Variants in ERBB4 observed in about 807,000 individuals in gnomAD.
ERBB4 encodes the protein erb-b2 receptor tyrosine kinase 4.
In ERBB4, 42 loss-of-function variants were observed where a neutral mutation model predicts 158.0. The observed-to-expected ratio is 0.27, with a 90% CI of 0.21 to 0.34. The LOEUF (loss-of-function observed/expected upper bound fraction) is 0.34. Ranked by LOEUF, ERBB4 falls within the 10% of genes least tolerant of loss-of-function variation. The pLI, the probability that ERBB4 is intolerant of heterozygous loss-of-function variation, is 1.00. For missense variants in ERBB4, 1,333 were observed against 1,624.1 expected (o/e 0.82, Z 3.08); for synonymous variants, 583 against 558.7 (o/e 1.04, Z -0.61).
chr2:211,874,207 G>A (rs2078434029), intron 3 of ERBB4, among the ~76,000 whole-genome samples: 1 of 152,008 alleles, frequency 6.6e-6, no homozygotes, highest in South Asian at 2.1e-4. Flanking sequence ...CATTTTGCTA[G>A]TTATATCTAT....
intron 20 of ERBB4, among the ~76,000 whole-genome samples, chr2:211,491,437 A>C (rs2065339449): frequency 6.6e-6 from 1 of 152,026 alleles, no homozygotes; most frequent in African/African-American, 2.4e-5. Context: ...TGGACATCAC[A>C]ATTCATTTCA....
intron 3 of ERBB4, among the ~76,000 whole-genome samples, chr2:211,898,825 A>G (rs1212445552): frequency 6.6e-6 from 1 of 152,144 alleles, no homozygotes; most frequent in Non-Finnish European, 1.5e-5. Context: ...GTGTCCCAGT[A>G]GCATGCCTAT....
At chr2:211,636,469 A>G (rs1258896329) in intron 16 of ERBB4, among the ~76,000 whole-genome samples, 1 of 152,040 alleles carries the variant, frequency 6.6e-6, no homozygotes, top group Non-Finnish European at 1.5e-5. Context: ...TTACATTCAT[A>G]GTATCTAATG....
chr2:211,568,833 G>A (rs779874282), intron 19 of ERBB4, among the ~76,000 whole-genome samples: 8 of 151,978 alleles, frequency 5.3e-5, no homozygotes, highest in African/African-American at 9.7e-5. Context: ...AGATAATGAC[G>A]GCCACAATGA....
At chr2:211,967,252 T>G (rs1245442707) in intron 2 of ERBB4, among the ~76,000 whole-genome samples, 7 of 152,118 alleles carry the variant, frequency 4.6e-5, no homozygotes, top group Non-Finnish European at 1.0e-4. Flanking sequence ...GGGCTATATT[T>G]GGGGAATATC....
intron 1 of ERBB4, among the ~76,000 whole-genome samples, chr2:212,325,282 T>C (rs1238235326): frequency 6.6e-6 from 1 of 150,534 alleles, no homozygotes; most frequent in African/African-American, 2.4e-5. Flanking sequence ...TTTGTAGATT[T>C]TAAATCTGAA....
intron 3 of ERBB4, among the ~76,000 whole-genome samples, chr2:211,841,646 C>T (rs1221268393): frequency 6.6e-6 from 1 of 151,712 alleles, no homozygotes; most frequent in African/African-American, 2.4e-5. Context: ...AATTTATCTC[C>T]ATGTTTTTAT....
chr2:211,619,562 G>T (rs2069518992), intron 18 of ERBB4, among the ~76,000 whole-genome samples: 1 of 152,088 alleles, frequency 6.6e-6, no homozygotes, highest in South Asian at 2.1e-4. Context: ...AGTGAAGACA[G>T]CATGGAAATA....
intron 20 of ERBB4, among the ~76,000 whole-genome samples, chr2:211,517,861 A>G (rs1422056332): frequency 2.6e-5 from 4 of 152,234 alleles, no homozygotes; most frequent in Non-Finnish European, 4.4e-5. Flanking sequence ...TCCTATGTTG[A>G]TAATTGCAGA....
chr2:211,785,426 C>T (rs547178905), intron 4 of ERBB4, among the ~76,000 whole-genome samples: 10 of 152,218 alleles, frequency 6.6e-5, no homozygotes, highest in African/African-American at 2.2e-4. Flanking sequence ...AGTTTAATAT[C>T]GTCCCATTTG....
chr2:212,172,752 G>A (rs957662914), intron 1 of ERBB4, among the ~76,000 whole-genome samples: 11 of 151,980 alleles, frequency 7.2e-5, no homozygotes, highest in Admixed American at 5.9e-4. Flanking sequence ...GGACAAATGG[G>A]GGTGGAAAAA....
At chr2:212,533,823 C>A (rs1692885897) in intron 1 of ERBB4, among the ~76,000 whole-genome samples, 1 of 152,136 alleles carries the variant, frequency 6.6e-6, no homozygotes, top group African/African-American at 2.4e-5. Context: ...AAATTCTACC[C>A]TGCACAGGAT....
At chr2:211,979,286 A>C (rs999435496) in intron 2 of ERBB4, among the ~76,000 whole-genome samples, 6 of 152,226 alleles carry the variant, frequency 3.9e-5, no homozygotes, top group African/African-American at 1.4e-4. Flanking sequence ...GATTATCTTA[A>C]AAAATTGGCA....
intron 15 of ERBB4, among the ~76,000 whole-genome samples, chr2:211,658,764 TAAAGA>T (rs1382613376): frequency 6.6e-6 from 1 of 152,168 alleles, no homozygotes; most frequent in Non-Finnish European, 1.5e-5. Context: ...CCCAGTTAAG[TAAAGA>T]ATACAGTGAG....
intron 1 of ERBB4, among the ~76,000 whole-genome samples, chr2:212,411,740 C>T (rs563283299): frequency 6.6e-6 from 1 of 152,202 alleles, no homozygotes; most frequent in South Asian, 2.1e-4. Context: ...TCCCTTGCAC[C>T]TTTGGTTGAG....
At chr2:211,912,372 T>A (rs77148840) in intron 3 of ERBB4, among the ~76,000 whole-genome samples, 14,374 of 151,960 alleles carry the variant, frequency 0.095, 817 homozygotes, top group African/African-American at 0.14. Context: ...CAAGAGTAAA[T>A]TTCAAATGTT....
chr2:212,399,002 G>A (rs896678004), intron 1 of ERBB4, among the ~76,000 whole-genome samples: 4 of 152,008 alleles, frequency 2.6e-5, no homozygotes, highest in Non-Finnish European at 5.9e-5. Flanking sequence ...GGAGTGCAGT[G>A]GCGTGATCTT....
In ERBB4 at chr2:212,106,999, G is replaced by T. The variant is rs561179233; in HGVS notation, c.234+17753C>A. On this transcript the variant is annotated intron_variant, in intron 2 of 27. Coordinates refer to ENST00000342788, the MANE Select transcript of ERBB4 (RefSeq NM_005235.3). ...GGCAGAAGTTTGCTGCAGAGGCAGG[G>T]TGCTCATGCAGAACATCTGCTAGGG... 2.6e-5 allele frequency among the ~76,000 whole-genome samples: 4 copies of T among 152,366 alleles called. No individual in the cohort carries two copies. In the East Asian group the frequency reaches 7.7e-4, roughly 29 times the overall value.
intron 1 of ERBB4, among the ~76,000 whole-genome samples, chr2:212,221,075 G>A (rs768654177): frequency 1.4e-4 from 21 of 151,404 alleles, no homozygotes; most frequent in Non-Finnish European, 2.5e-4. Context: ...AAGAGCAATT[G>A]TATCTCATAC....
Sources: gnomAD v4.1 joint callset for allele counts (sites outside exome capture counted in the v4.1 genomes callset) on GRCh38, gnomAD v4.1.1 for gene constraint, MANE v1.5 for transcripts, NCBI Gene and HGNC (gene_info 2026-07-23, HGNC 2026-07-21) for gene names.